SS18L1: variants seen among roughly 807,000 people sequenced by gnomAD.
The protein encoded by SS18L1 is calcium-responsive transactivator.
Under a neutral mutation model 70.3 loss-of-function variants are expected in SS18L1, and 32 were observed. The observed-to-expected ratio is 0.46, with a 90% CI of 0.34 to 0.61. The LOEUF is 0.61. Ranked by LOEUF, SS18L1 falls within the 20% of genes least tolerant of loss-of-function variation. SS18L1 has a pLI of 0.01. For synonymous variants in SS18L1, 237 were observed against 229.7 expected, an observed-to-expected ratio of 1.03 and a Z score of -0.29; for missense variants, 430 against 542.1, an observed-to-expected ratio of 0.79 and a Z score of 2.05.
chr20:62,168,141 CTTG>C (rs1337806574), intron 8 of SS18L1, among the ~76,000 whole-genome samples: 2 of 151,998 alleles, frequency 1.3e-5, no homozygotes, highest in Non-Finnish European at 1.5e-5. Flanking sequence ...ACTTCCGTAG[CTTG>C]TTGTGGGTTA....
intron 9 of SS18L1, among the ~76,000 whole-genome samples, chr20:62,173,472 G>A (rs1433740648): frequency 1.3e-5 from 2 of 152,216 alleles, no homozygotes; most frequent in African/African-American, 4.8e-5. Context: ...CACTTTGGGA[G>A]GCTGAGGTGG....
chr20:62,145,830 T>C (rs2057014802), intron 1 of SS18L1, among the ~76,000 whole-genome samples: 1 of 152,148 alleles, frequency 6.6e-6, no homozygotes, highest in African/African-American at 2.4e-5. Context: ...GTGAGAAGGC[T>C]GAGAAAGGTG....
rs1265667365 is a variant in SS18L1 at position 62,181,687 on chromosome 20, ATGTT to A, written c.*2481_*2484del. On this transcript the variant is annotated 3_prime_UTR_variant, in exon 11 of 11. Transcript: ENST00000331758. ...AATATATTTAATGATTAATAACAGAATGTTTATTTAATGTGCTGTCCATTTTTAT... is the reference window on the plus strand; with the variant it reads ...AATATATTTAATGATTAATAACAGAATATTTAATGTGCTGTCCATTTTTAT... The A allele has an allele frequency of 1.8e-5, 4 of 219,432 alleles. No individual in the cohort carries two copies. The highest frequency in any genetic ancestry group is 9.0e-5 in the African/African-American group (4 of 44,574). 13.6% of individuals were successfully genotyped at this position (219,432 alleles called of 1,614,324 possible).
At chr20:62,164,504 T>C (rs1037319958) in intron 7 of SS18L1, among the ~76,000 whole-genome samples, 1 of 152,240 alleles carries the variant, frequency 6.6e-6, no homozygotes, top group African/African-American at 2.4e-5. Context: ...CACGCGGCCT[T>C]GCCTCTACTT....
At chr20:62,147,755 C>T (rs947831299) in intron 1 of SS18L1, among the ~76,000 whole-genome samples, 1 of 151,906 alleles carries the variant, frequency 6.6e-6, no homozygotes, top group Non-Finnish European at 1.5e-5. Context: ...ACAAGACCTT[C>T]GTGGGGTGGG....
intron 1 of SS18L1, among the ~76,000 whole-genome samples, chr20:62,148,216 G>T (rs1035222304): frequency 6.6e-6 from 1 of 152,266 alleles, no homozygotes; most frequent in East Asian, 1.9e-4. Flanking sequence ...GCAGCCACCG[G>T]CCTTGCTCGG....
chr20:62,173,017 G>A (rs886711300), intron 9 of SS18L1, among the ~76,000 whole-genome samples: 3 of 152,268 alleles, frequency 2.0e-5, no homozygotes, highest in Non-Finnish European at 4.4e-5. Context: ...AGGCAGATGT[G>A]TAATAAACTT....
At chr20:62,165,026 G>T (rs1230122834) in intron 7 of SS18L1, among the ~76,000 whole-genome samples, 1 of 152,218 alleles carries the variant, frequency 6.6e-6, no homozygotes, top group Non-Finnish European at 1.5e-5. Context: ...GTGGCAGCAG[G>T]GCAAGCCACC....
At chr20:62,175,427 AGAG>A (rs1347648837) in intron 10 of SS18L1, 2 of 985,196 alleles carry the variant, frequency 2.0e-6, no homozygotes, top group Non-Finnish European at 2.4e-6. Flanking sequence ...AGGGCCTCCT[AGAG>A]GAGAATGAGC....
At position 62,174,419 on chromosome 20, in the gene SS18L1, A is replaced by C. The variant is rs2057584371; in HGVS notation, c.1037-98A>C. 11 of 1,503,218 alleles carry C rather than the reference A, an allele frequency of 7.3e-6. No homozygotes were observed. The highest frequency in any genetic ancestry group is 2.5e-4 in the Middle Eastern group (1 of 4,036). The allele number at this position is 1,503,218 out of a possible 1,614,324, so 93.1% of individuals were successfully genotyped here. On this transcript the variant is annotated intron_variant, in intron 9 of 10. Coordinates refer to ENST00000331758, the MANE Select transcript of SS18L1 (RefSeq NM_198935.3). The surrounding 1 kb of genome is among the most constrained non-coding windows in gnomAD (Gnocchi z 4.1). ...GATGCATTGAGACGGGAATTTTTCA[A>C]GGAGAAGAGGAAGTTTTAAAAAAAA...
chr20:62,151,396 C>T (rs1198973518), intron 1 of SS18L1, among the ~76,000 whole-genome samples: 2 of 152,230 alleles, frequency 1.3e-5, no homozygotes, highest in Non-Finnish European at 2.9e-5. Context: ...TGGTCCATTG[C>T]CATGGCCGTG....
rs2057310546 is a variant in SS18L1 at position 62,160,531 on chromosome 20, A to G, written c.231+570A>G. 2.0e-5 allele frequency among the ~76,000 whole-genome samples: 3 copies of G among 152,274 alleles called. No individual in the cohort carries two copies. In the South Asian group the frequency reaches 6.2e-4, roughly 32 times the overall value. ...TAAAAGAGAACATGCCCAGCACAGT[A>G]AATTCTCCCAGTGTTAGTTCAAATA... On this transcript the variant is annotated intron_variant, in intron 3 of 10. Transcript: ENST00000331758.
intron 1 of SS18L1, among the ~76,000 whole-genome samples, chr20:62,144,372 C>T (rs2056983281): frequency 6.6e-6 from 1 of 152,210 alleles, no homozygotes; most frequent in Non-Finnish European, 1.5e-5. Context: ...TGGTGAGGGG[C>T]CCGGGTCGGC....
intron 1 of SS18L1, among the ~76,000 whole-genome samples, chr20:62,154,879 C>T (rs1250209224): frequency 1.3e-5 from 2 of 152,214 alleles, no homozygotes; most frequent in Non-Finnish European, 2.9e-5. Context: ...CGTGATCTTT[C>T]TGTTTTCACC....
chr20:62,163,635 C>T lies in SS18L1; in HGVS notation c.721+13C>T, dbSNP rs747612496. 21 of 1,551,734 alleles carry T rather than the reference C, an allele frequency of 1.4e-5. No homozygotes were observed. The highest frequency in any genetic ancestry group is 9.5e-5 in the Admixed American group (5 of 52,498). ...CCCTCCCAGCAAGGTAACGCCCGGC[C>T]GGGCCAGGTCGCGGGCACAGCTGAC... On this transcript the variant is annotated intron_variant, in intron 6 of 10. Transcript: ENST00000331758.
At position 62,159,976 on chromosome 20, in the gene SS18L1, G is replaced by C. The variant is rs1398150372; in HGVS notation, c.231+15G>C. On this transcript the variant is annotated intron_variant, in intron 3 of 10. Coordinates refer to ENST00000331758, the MANE Select transcript of SS18L1 (RefSeq NM_198935.3). This position sits in a 1 kb window ranked among gnomAD's most constrained non-coding sequence, Gnocchi z 4.4. ...TGCTTCCTGCCGTGAGTACCCACGG[G>C]GGGTTGGCCTCCTTTACCCAGCAAG... 2 of 1,607,300 alleles carry C rather than the reference G, an allele frequency of 1.2e-6. No individual in the cohort carries two copies. Among genetic ancestry groups the C allele is most frequent in the East Asian group, 2.2e-5 (1 of 44,558 alleles).
At chr20:62,167,046 T>TTG (rs2057447241) in intron 8 of SS18L1, among the ~76,000 whole-genome samples, 1 of 130,550 alleles carries the variant, frequency 7.7e-6, no homozygotes, top group Non-Finnish European at 1.6e-5. Context: ...TTGTTTGTTT[T>TTG]TTTTTTTTTT....
At chr20:62,147,768 A>G (rs999221376) in intron 1 of SS18L1, among the ~76,000 whole-genome samples, 3 of 151,954 alleles carry the variant, frequency 2.0e-5, no homozygotes, top group African/African-American at 7.3e-5. Context: ...GGGGTGGGTT[A>G]GTGCCGTGCC....
At position 62,161,422 on chromosome 20, in the gene SS18L1, C is replaced by A. The variant is rs200850400; in HGVS notation, c.232-14C>A. On this transcript the variant is annotated splice_polypyrimidine_tract_variant and intron_variant, in intron 3 of 10. Transcript: ENST00000331758. This position sits in a 1 kb window ranked among gnomAD's most constrained non-coding sequence, Gnocchi z 4.4. Reference sequence around the variant, plus strand: ...ATTAACCGTTTTTCCCTGAAAACTTCCTGTTGCCTGCAGCCGCCCACGCAG... The same window carrying A: ...ATTAACCGTTTTTCCCTGAAAACTTACTGTTGCCTGCAGCCGCCCACGCAG... 9.3e-6 allele frequency: 15 copies of A among 1,612,742 alleles called. No individual in the cohort carries two copies. The African/African-American group carries it at 1.3e-4, about 14-fold the overall frequency.
Sources: gnomAD v4.1 joint callset for allele counts (sites outside exome capture counted in the v4.1 genomes callset) on GRCh38, gnomAD v4.1.1 for gene constraint, Gnocchi (gnomAD v3.1) non-coding constraint, MANE v1.5 for transcripts, NCBI Gene and HGNC (gene_info 2026-07-23, HGNC 2026-07-21) for gene names.